RPS6KC1: variants seen among roughly 807,000 people sequenced by gnomAD.
RPS6KC1 encodes inactive ribosomal protein S6 kinase delta-1.
RPS6KC1 carries 54 observed loss-of-function variants against 103.8 expected under a neutral mutation model. That is an observed-to-expected ratio of 0.52 (90% CI 0.42 to 0.65). The LOEUF (loss-of-function observed/expected upper bound fraction) is 0.65. Ranked by LOEUF, RPS6KC1 falls within the 30% of genes least tolerant of loss-of-function variation. RPS6KC1 has a pLI of 0.00. For synonymous variants in RPS6KC1, 439 were observed against 438.7 expected, an observed-to-expected ratio of 1.00 and a Z score of -0.01; for missense variants, 1,151 against 1,253.8, an observed-to-expected ratio of 0.92 and a Z score of 1.24.
At chr1:213,441,375 C>G in the RPS6KC1 span, among the ~76,000 whole-genome samples, 4 of 152,106 alleles carry the variant, frequency 2.6e-5, no homozygotes, top group Non-Finnish European at 5.9e-5. Flanking sequence ...CTGTAACCAC[C>G]ATTATATTCT....
chr1:213,163,148 AG>A (rs747771428), intron 6 of RPS6KC1, among the ~76,000 whole-genome samples: 3 of 152,256 alleles, frequency 2.0e-5, no homozygotes, highest in East Asian at 3.8e-4. Flanking sequence ...GTAACTACCA[AG>A]GCCATCTCAA....
the RPS6KC1 span, among the ~76,000 whole-genome samples, chr1:213,555,267 C>G: frequency 2.0e-5 from 3 of 152,306 alleles, no homozygotes; most frequent in South Asian, 6.2e-4. Flanking sequence ...GGCCCCATTT[C>G]CCCCATGCCC....
the RPS6KC1 span, among the ~76,000 whole-genome samples, chr1:213,742,926 T>G: frequency 3.0e-4 from 45 of 152,348 alleles, no homozygotes; most frequent in African/African-American, 1.0e-3. Context: ...ACTTATACAC[T>G]GTTGGTGGGT....
chr1:213,254,251 TA>T (rs1404993296), intron 12 of RPS6KC1, among the ~76,000 whole-genome samples: 1 of 152,234 alleles, frequency 6.6e-6, no homozygotes, highest in Non-Finnish European at 1.5e-5. Flanking sequence ...AGAATTTTAC[TA>T]AACAGTTTGC....
At chr1:213,066,929 T>C (rs533921924) in intron 1 of RPS6KC1, among the ~76,000 whole-genome samples, 19 of 152,304 alleles carry the variant, frequency 1.2e-4, no homozygotes, top group African/African-American at 4.6e-4. Context: ...AGGGCCAACC[T>C]GCCTCCCATT....
chr1:213,353,008 G>A, the RPS6KC1 span, among the ~76,000 whole-genome samples: 2 of 152,208 alleles, frequency 1.3e-5, no homozygotes, highest in South Asian at 2.1e-4. Flanking sequence ...ATGTGAGAGG[G>A]GAGGGCTCTC....
chr1:213,173,569 A>G (rs1459271859), intron 7 of RPS6KC1, among the ~76,000 whole-genome samples: 2 of 152,318 alleles, frequency 1.3e-5, no homozygotes, highest in Non-Finnish European at 2.9e-5. Context: ...ATGCTTTCCA[A>G]TTGTATACAG....
chr1:213,647,292 A>C, the RPS6KC1 span, among the ~76,000 whole-genome samples: 1 of 152,188 alleles, frequency 6.6e-6, no homozygotes, highest in Non-Finnish European at 1.5e-5. Flanking sequence ...TGACAAGTGA[A>C]GATGTATCAT....
intron 8 of RPS6KC1, among the ~76,000 whole-genome samples, chr1:213,222,116 A>AT (rs1483178922): frequency 6.6e-6 from 1 of 152,208 alleles, no homozygotes; most frequent in Non-Finnish European, 1.5e-5. Context: ...TAGGCACAAC[A>AT]TATTTTGCTT....
Position 213,119,873 on chromosome 1 carries a change from G to A in RPS6KC1, c.472+2463G>A, listed in dbSNP as rs551878055. On this transcript the variant is annotated intron_variant, in intron 5 of 14. Coordinates refer to ENST00000366960, the MANE Select transcript of RPS6KC1 (RefSeq NM_012424.6). ...TAAAGGAGACACAACCTAAAGCTAG[G>A]GTGAGCATGTAGTTTATTCTCCAAA... Among the ~76,000 whole-genome samples, 1,429 of 152,204 alleles carry A rather than the reference G, an allele frequency of 9.4e-3. 41 individuals carry two copies. The highest frequency in any genetic ancestry group is 0.068 in the East Asian group (353 of 5,168).
At chr1:213,310,032 G>A in the RPS6KC1 span, among the ~76,000 whole-genome samples, 2 of 151,988 alleles carry the variant, frequency 1.3e-5, no homozygotes, top group African/African-American at 4.8e-5. Flanking sequence ...GCAAATCCTG[G>A]TGGCCCCTCT....
the RPS6KC1 span, among the ~76,000 whole-genome samples, chr1:213,442,309 T>TA: frequency 2.0e-5 from 3 of 152,244 alleles, no homozygotes; most frequent in Non-Finnish European, 4.4e-5. Context: ...TTCATCATTC[T>TA]ACCCCCTGTG....
chr1:213,770,386 C>T, the RPS6KC1 span, among the ~76,000 whole-genome samples: 10 of 152,094 alleles, frequency 6.6e-5, no homozygotes, highest in African/African-American at 1.4e-4. Context: ...TTATGGGTCA[C>T]GATTTACCCA....
chr1:213,165,793 G>A (rs922452274), intron 6 of RPS6KC1, among the ~76,000 whole-genome samples: 1 of 152,092 alleles, frequency 6.6e-6, no homozygotes, highest in Admixed American at 6.5e-5. Flanking sequence ...CTGACCTCAG[G>A]TGATCCATCT....
At chr1:213,600,413 G>T in the RPS6KC1 span, among the ~76,000 whole-genome samples, 229 of 152,262 alleles carry the variant, frequency 1.5e-3, 1 homozygote, top group African/African-American at 5.1e-3. Flanking sequence ...GAACAGAGAG[G>T]CATGAGATAT....
the RPS6KC1 span, among the ~76,000 whole-genome samples, chr1:213,811,116 G>A: frequency 6.6e-6 from 1 of 152,154 alleles, no homozygotes; most frequent in African/African-American, 2.4e-5. Flanking sequence ...TACAACTCCA[G>A]AGCCACTGGC....
At chr1:213,747,191 T>C in the RPS6KC1 span, among the ~76,000 whole-genome samples, 3 of 151,944 alleles carry the variant, frequency 2.0e-5, no homozygotes, top group Non-Finnish European at 4.4e-5. Flanking sequence ...GGAGCAAACT[T>C]GTGAAGTAGG....
chr1:213,786,752 A>G, the RPS6KC1 span, among the ~76,000 whole-genome samples: 3 of 152,220 alleles, frequency 2.0e-5, no homozygotes, highest in Non-Finnish European at 4.4e-5. Context: ...AGGAAAGAAT[A>G]TTCTTCATTA....
At chr1:213,259,726 T>C (rs1312153507) in intron 12 of RPS6KC1, among the ~76,000 whole-genome samples, 1 of 131,138 alleles carries the variant, frequency 7.6e-6, no homozygotes, top group East Asian at 2.3e-4. Flanking sequence ...GTAGGTGTTG[T>C]TTTTTTAATT....
Sources: allele counts gnomAD v4.1 joint callset (sites outside exome capture counted in the v4.1 genomes callset), GRCh38; gene constraint gnomAD v4.1.1; transcripts MANE v1.5; gene names NCBI Gene and HGNC (gene_info 2026-07-23, HGNC 2026-07-21).